The following ZFX variants were observed in gnomAD, a reference collection of about 807,000 sequenced individuals.
The protein encoded by ZFX is zinc finger X-chromosomal protein.
For missense variants in ZFX, 362 were observed against 628.3 expected (o/e 0.58, Z 4.53); for synonymous variants, 196 against 226.8 (o/e 0.86, Z 1.22).
intron 3 of ZFX, among the ~76,000 whole-genome samples, chrX:24,171,128 T>C (rs750031267): frequency 1.5e-4 from 17 of 111,751 alleles, no homozygotes; most frequent in Middle Eastern, 4.6e-3. Flanking sequence ...GTAAGACATA[T>C]ATAAATAATC....
chrX:24,213,846 G>A lies in ZFX; in HGVS notation c.*2470G>A, dbSNP rs1938285506. ...AAAACACTTAAATGAAAGTGGAAAT[G>A]TATTAATTTTAAATCCTATAAAATT... is the stretch of plus-strand genomic sequence containing the variant. On this transcript the variant is annotated 3_prime_UTR_variant, in exon 10 of 10. Transcript: ENST00000304543. 9.1e-6 allele frequency: 1 copy of A among 110,391 alleles called. No individual in the cohort carries two copies. The highest frequency in any genetic ancestry group is 3.8e-4 in the South Asian group (1 of 2,622). 9.1% of individuals were successfully genotyped at this position (110,391 alleles called of 1,213,427 possible).
chrX:24,166,715 AACAC>A (rs779712505), intron 3 of ZFX, among the ~76,000 whole-genome samples: 2 of 111,897 alleles, frequency 1.8e-5, no homozygotes, highest in African/African-American at 6.5e-5. Context: ...TAGACTAGAG[AACAC>A]ACACACTTAT....
chrX:24,152,237 G>A (rs1398624354), intron 2 of ZFX, among the ~76,000 whole-genome samples: 2 of 109,510 alleles, frequency 1.8e-5, no homozygotes, highest in Non-Finnish European at 3.8e-5. Flanking sequence ...CCGGGTTCAA[G>A]TAATTCTCCT....
At position 24,200,605 on chromosome X, in the gene ZFX, G is replaced by A. The variant is rs891417935; in HGVS notation, c.647-6721G>A. On this transcript the variant is annotated intron_variant, in intron 5 of 9. Coordinates refer to ENST00000304543, the MANE Select transcript of ZFX (RefSeq NM_003410.4). The stretch of plus-strand genomic sequence containing the variant: ...ATCTTATTTTCACAAAAAAATCTCT[G>A]TTCTTTCTTCCATCCTTTTATTTGT... 2.8e-5 allele frequency among the ~76,000 whole-genome samples: 3 copies of A among 106,331 alleles called. No individual in the cohort carries two copies. In the Admixed American group the frequency reaches 2.9e-4, roughly 10 times the overall value. 92.3% of individuals were successfully genotyped at this position (106,331 alleles called of 115,157 possible).
chrX:24,191,508 C>G (rs184706022), intron 5 of ZFX, among the ~76,000 whole-genome samples: 1 of 111,486 alleles, frequency 9.0e-6, no homozygotes, highest in African/African-American at 3.3e-5. Context: ...AGAATACTTC[C>G]TGCAAGTTAC....
chrX:24,183,180 C>G lies in ZFX; in HGVS notation c.646+3410C>G, dbSNP rs369515207. ...TGAGGGGCCAGCTGAGGTTAGGAGT[C>G]TATTTTATTTTATTTTATTTTTGAG... On this transcript the variant is annotated intron_variant, in intron 5 of 9. Transcript: ENST00000304543. 1.5e-4 allele frequency among the ~76,000 whole-genome samples: 17 copies of G among 111,389 alleles called. No homozygotes were observed. In the East Asian group the frequency reaches 3.4e-3, roughly 22 times the overall value.
chrX:24,197,267 C>T (rs1195480207), intron 5 of ZFX, among the ~76,000 whole-genome samples: 2 of 111,384 alleles, frequency 1.8e-5, no homozygotes, highest in East Asian at 5.6e-4. Context: ...GCCAGGAGTT[C>T]GAGGCCAGCC....
At chrX:24,192,535 A>G (rs986335746) in intron 5 of ZFX, among the ~76,000 whole-genome samples, 1 of 111,279 alleles carries the variant, frequency 9.0e-6, no homozygotes, top group Non-Finnish European at 1.9e-5. Context: ...TGTGCCTCCT[A>G]GATAATTTCA....
intron 3 of ZFX, among the ~76,000 whole-genome samples, chrX:24,168,418 G>A (rs1207747389): frequency 9.0e-6 from 1 of 111,666 alleles, no homozygotes; most frequent in African/African-American, 3.2e-5. Flanking sequence ...TTGCCCAAGA[G>A]GGAGATCACA....
intron 3 of ZFX, 132 bp from the exon 4 acceptor site, chrX:24,172,583 G>A (rs1307698959): frequency 4.8e-6 from 2 of 421,003 alleles, no homozygotes; most frequent in East Asian, 4.3e-5. Flanking sequence ...TTTTACTTTA[G>A]ATAAGTAAGT....
intron 5 of ZFX, among the ~76,000 whole-genome samples, chrX:24,189,561 G>T (rs1043405682): frequency 1.8e-5 from 2 of 112,280 alleles, no homozygotes; most frequent in Non-Finnish European, 3.8e-5. Context: ...AACCCTGAGG[G>T]TCAACACAAT....
At chrX:24,182,018 G>T (rs1240153810) in intron 5 of ZFX, among the ~76,000 whole-genome samples, 3 of 110,973 alleles carry the variant, frequency 2.7e-5, no homozygotes, top group Non-Finnish European at 5.7e-5. Context: ...GAAGAAAAAT[G>T]GATGAGATTC....
At chrX:24,183,162 C>T (rs1469671144) in intron 5 of ZFX, among the ~76,000 whole-genome samples, 1 of 111,602 alleles carries the variant, frequency 9.0e-6, no homozygotes, top group Non-Finnish European at 1.9e-5. Context: ...CATTGAGGGG[C>T]CAGCTGAGGT....
At chrX:24,189,137 TG>T (rs1936364790) in intron 5 of ZFX, among the ~76,000 whole-genome samples, 1 of 112,111 alleles carries the variant, frequency 8.9e-6, no homozygotes, top group Non-Finnish European at 1.9e-5. Context: ...GCGCCTGGCC[TG>T]AAATAAGGTT....
At chrX:24,148,993 G>A (rs1250114620), upstream of ZFX, among the ~76,000 whole-genome samples, 1 of 111,166 alleles carries the variant, frequency 9.0e-6, no homozygotes, top group African/African-American at 3.3e-5. Flanking sequence ...AAAAGTAGAC[G>A]GCCTGGTAGG....
In ZFX at chrX:24,192,276, T is replaced by A. The variant is rs1936582984; in HGVS notation, c.646+12506T>A. Among the ~76,000 whole-genome samples the A allele has an allele frequency of 2.7e-5, 3 of 111,860 alleles. No individual in the cohort carries two copies. In the South Asian group the frequency reaches 1.1e-3, roughly 41 times the overall value. On this transcript the variant is annotated intron_variant, in intron 5 of 9. Coordinates refer to ENST00000304543, the MANE Select transcript of ZFX (RefSeq NM_003410.4). Reference sequence around the variant, plus strand: ...AGTCCCAAGATCACAGGTGTGAATCTTGTTAAAACTTTAGAAAAGATTTGT... The same window carrying A: ...AGTCCCAAGATCACAGGTGTGAATCATGTTAAAACTTTAGAAAAGATTTGT...
intron 5 of ZFX, among the ~76,000 whole-genome samples, chrX:24,184,692 A>T (rs1935959902): frequency 9.0e-6 from 1 of 111,110 alleles, no homozygotes; most frequent in African/African-American, 3.3e-5. Context: ...GTAAATATGG[A>T]TGAACATAAA....
Position 24,211,970 on chromosome X carries a change from C to G in ZFX, c.*594C>G, listed in dbSNP as rs753740831. On this transcript the variant is annotated 3_prime_UTR_variant, in exon 10 of 10. Coordinates refer to ENST00000304543, the MANE Select transcript of ZFX (RefSeq NM_003410.4). The stretch of plus-strand genomic sequence containing the variant: ...CTGAGTAAAGAGCAGTGGCTGGGTT[C>G]GTGTTTACTTTTCAAATATACTTCT... 8.9e-6 allele frequency: 1 copy of G among 112,816 alleles called. No homozygotes were observed. The highest frequency in any genetic ancestry group is 1.9e-5 in the Non-Finnish European group (1 of 53,361). 9.3% of individuals were successfully genotyped at this position (112,816 alleles called of 1,213,427 possible).
intron 1 of ZFX, chrX:24,150,583 G>C (rs1931967889): frequency 8.8e-6 from 1 of 113,273 alleles, no homozygotes; most frequent in African/African-American, 3.2e-5. Flanking sequence ...CGGACGCCGG[G>C]ACCGTTTCAC....
Sources: gnomAD v4.1 joint callset for allele counts (sites outside exome capture counted in the v4.1 genomes callset) on GRCh38, gnomAD v4.1.1 for gene constraint, MANE v1.5 for transcripts, NCBI Gene and HGNC (gene_info 2026-07-23, HGNC 2026-07-21) for gene names.